The following TRMT9B variants were observed in gnomAD, a reference collection of about 807,000 sequenced individuals.
TRMT9B encodes the protein tRNA methyltransferase 9B (putative), also known as probable tRNA methyltransferase 9B.
TRMT9B carries 16 observed loss-of-function variants against 11.5 expected under a neutral mutation model. The observed-to-expected ratio is 1.39, with a 90% CI of 0.94 to 2.11. The LOEUF is 2.11. Among genes scored for constraint, TRMT9B ranks in the 30% most tolerant of loss-of-function variants. TRMT9B has a pLI of 0.00. For missense variants in TRMT9B, 941 were observed against 553.8 expected (o/e 1.70, Z -7.02); for synonymous variants, 274 against 192.4 (o/e 1.42, Z -3.51).
At chr8:13,017,359 A>G (rs535713401) in intron 4 of TRMT9B, among the ~76,000 whole-genome samples, 6 of 152,182 alleles carry the variant, frequency 3.9e-5, no homozygotes, top group African/African-American at 1.2e-4. Flanking sequence ...CAACCTACCT[A>G]CTGTCTGGGC....
At chr8:12,959,730 CT>C (rs1801831406) in intron 1 of TRMT9B, among the ~76,000 whole-genome samples, 1 of 151,920 alleles carries the variant, frequency 6.6e-6, no homozygotes, top group Non-Finnish European at 1.5e-5. Context: ...AAAAAGGCTA[CT>C]TTGCCCAGGC....
At chr8:13,004,393 G>C (rs938150885) in intron 2 of TRMT9B, among the ~76,000 whole-genome samples, 2 of 151,672 alleles carry the variant, frequency 1.3e-5, no homozygotes, top group African/African-American at 4.8e-5. Flanking sequence ...ACAGCTCCTG[G>C]CTCCAAAAGA....
chr8:12,993,088 G>A (rs939152984), intron 2 of TRMT9B, among the ~76,000 whole-genome samples: 2 of 152,112 alleles, frequency 1.3e-5, no homozygotes, highest in Admixed American at 6.5e-5. Context: ...TCGGGAAAAA[G>A]TGAGTAGATT....
intron 1 of TRMT9B, among the ~76,000 whole-genome samples, chr8:12,946,326 T>C (rs755109831): frequency 5.9e-5 from 9 of 151,944 alleles, no homozygotes; most frequent in Non-Finnish European, 1.2e-4. Flanking sequence ...TGGGAAGTAA[T>C]GGGACATAAA....
chr8:13,020,964 T>G, intron 4 of TRMT9B, 44 bp from the exon 5 acceptor site: 1 of 1,330,982 alleles, frequency 7.5e-7, no homozygotes, highest in Non-Finnish European at 1.0e-6. Context: ...TGTGTGGGTT[T>G]ATGTGTGTGC....
At chr8:12,962,533 C>G (rs892871756) in intron 1 of TRMT9B, among the ~76,000 whole-genome samples, 1 of 152,108 alleles carries the variant, frequency 6.6e-6, no homozygotes, top group African/African-American at 2.4e-5. Context: ...CTCTATCACC[C>G]AGGCTGGAGT....
chr8:13,007,541 G>A (rs893614091), intron 3 of TRMT9B: 2 of 152,156 alleles, frequency 1.3e-5, no homozygotes, highest in Admixed American at 1.3e-4. Context: ...CAGAACTTGT[G>A]GCTTGCTGAA....
chr8:13,011,829 G>C, intron 3 of TRMT9B: 1 of 964,078 alleles, frequency 1.0e-6, no homozygotes, highest in South Asian at 4.8e-5. Flanking sequence ...AATAGAGATT[G>C]GATAAAAACA....
At chr8:12,998,286 T>C (rs1391887376) in intron 2 of TRMT9B, among the ~76,000 whole-genome samples, 1 of 152,244 alleles carries the variant, frequency 6.6e-6, no homozygotes, top group Admixed American at 6.5e-5. Flanking sequence ...GTAAGAAATT[T>C]TAACTTACTC....
chr8:12,993,627 G>A (rs1386589030), intron 2 of TRMT9B, among the ~76,000 whole-genome samples: 2 of 152,208 alleles, frequency 1.3e-5, no homozygotes, highest in African/African-American at 4.8e-5. Flanking sequence ...TGCCAGCACT[G>A]TGACAACTTT....
chr8:12,997,781 G>A (rs1402397290), intron 2 of TRMT9B, among the ~76,000 whole-genome samples: 5 of 152,066 alleles, frequency 3.3e-5, no homozygotes, highest in African/African-American at 1.2e-4. Context: ...GGGGTTGCTG[G>A]GCCATAGGCT....
At chr8:12,993,464 A>G (rs1807744771) in intron 2 of TRMT9B, among the ~76,000 whole-genome samples, 2 of 152,192 alleles carry the variant, frequency 1.3e-5, no homozygotes, top group African/African-American at 2.4e-5. Flanking sequence ...ATTAACAGAG[A>G]AGGTTGTGTT....
At chr8:12,947,397 G>C (rs1800318436) in intron 1 of TRMT9B, among the ~76,000 whole-genome samples, 2 of 152,210 alleles carry the variant, frequency 1.3e-5, no homozygotes, top group South Asian at 4.1e-4. Flanking sequence ...GGATGACTTG[G>C]AAAGGTGGAG....
rs1252310939 is a variant in TRMT9B, at chr8:13,029,747, G to C, written c.*7703G>C. ...TATTGACCAAAAAGACATATTTTGA[G>C]ATTAATAAAGATGTATTAGATTATC... On this transcript the variant is annotated 3_prime_UTR_variant, in exon 5 of 5. Transcript: ENST00000524591. 2 of 152,594 alleles carry C rather than the reference G, an allele frequency of 1.3e-5. No individual in the cohort carries two copies. The highest frequency in any genetic ancestry group is 2.9e-5 in the Non-Finnish European group (2 of 68,034). 9.5% of individuals were successfully genotyped at this position (152,594 alleles called of 1,614,324 possible).
intron 1 of TRMT9B, among the ~76,000 whole-genome samples, chr8:12,977,880 T>A (rs1278865998): frequency 6.6e-6 from 1 of 151,494 alleles, no homozygotes; most frequent in African/African-American, 2.4e-5. Flanking sequence ...TACAAAAACA[T>A]TAGCCAGGTG....
At chr8:12,992,059 CAA>C (rs1807441868) in intron 2 of TRMT9B, among the ~76,000 whole-genome samples, 2 of 152,162 alleles carry the variant, frequency 1.3e-5, no homozygotes, top group Admixed American at 1.3e-4. Flanking sequence ...GATTTATAAC[CAA>C]AGAGTCAAGG....
intron 1 of TRMT9B, among the ~76,000 whole-genome samples, chr8:12,954,443 G>C (rs1207772242): frequency 6.6e-6 from 1 of 152,162 alleles, no homozygotes; most frequent in East Asian, 1.9e-4. Flanking sequence ...AGAGCAAAAT[G>C]CAATTAAATG....
chr8:12,997,674 C>G (rs1808611992), intron 2 of TRMT9B, among the ~76,000 whole-genome samples: 1 of 152,138 alleles, frequency 6.6e-6, no homozygotes, highest in Non-Finnish European at 1.5e-5. Context: ...CAGATTTGTG[C>G]TACTTCGAAG....
At chr8:12,990,667 T>C (rs563367782) in intron 1 of TRMT9B, among the ~76,000 whole-genome samples, 167 bp from the exon 2 acceptor site, 19 of 152,350 alleles carry the variant, frequency 1.2e-4, no homozygotes, top group African/African-American at 4.6e-4. Context: ...GGCCTATTGA[T>C]TTGAACTGCT....
Sources: allele counts gnomAD v4.1 joint callset (sites outside exome capture counted in the v4.1 genomes callset), GRCh38; gene constraint gnomAD v4.1.1; transcripts MANE v1.5; gene names NCBI Gene and HGNC (gene_info 2026-07-23, HGNC 2026-07-21).